The following COL4A4 variants were observed in gnomAD, a reference collection of about 807,000 sequenced individuals.
COL4A4 encodes the protein collagen alpha-4(IV) chain.
COL4A4 carries 105 observed loss-of-function variants against 192.9 expected under a neutral mutation model. The ratio of observed to expected loss-of-function variants is 0.54; its 90% confidence interval spans 0.46 to 0.64. The LOEUF is 0.64. Ranked by LOEUF, COL4A4 falls within the 30% of genes least tolerant of loss-of-function variation. The probability of loss-of-function intolerance (pLI) is 0.00; values close to 1 mark genes in which losing one functional copy is unlikely to be tolerated. For synonymous variants in COL4A4, 762 were observed against 769.9 expected, an observed-to-expected ratio of 0.99 and a Z score of 0.17; for missense variants, 1,967 against 2,169.3, an observed-to-expected ratio of 0.91 and a Z score of 1.85.
At chr2:227,015,662 T>G (rs973687574) in intron 44 of COL4A4, among the ~76,000 whole-genome samples, 22 of 152,204 alleles carry the variant, frequency 1.4e-4, no homozygotes, top group Non-Finnish European at 3.2e-4. Flanking sequence ...CTTGTTGGAT[T>G]AACTTCTTTC....
chr2:227,103,172 A>T lies in COL4A4; in HGVS notation c.842T>A (p.Val281Asp), dbSNP rs1227443063. 15 of 1,613,196 alleles carry T rather than the reference A, an allele frequency of 9.3e-6. No individual in the cohort carries two copies. Among genetic ancestry groups the T allele is most frequent in the Non-Finnish European group, 1.2e-5 (14 of 1,179,618 alleles). ...EKGIKGIPGM[V>D]GLPGPPGRKG... Reference sequence around the variant, plus strand: ...GCGTCCTGGTGGTCCTGGCAGTCCAACCATTCCAGGAATTCCTTTTATACC... The same window carrying T: ...GCGTCCTGGTGGTCCTGGCAGTCCATCCATTCCAGGAATTCCTTTTATACC... Residue 281 changes from valine to aspartate, a missense_variant, in exon 14 of 48, where the codon GTT becomes GAT. Val to Asp is a radical substitution (Grantham distance 152). Transcript: ENST00000396625.
In COL4A4 at chr2:227,060,116, A is replaced by AAAAAAAAAAC. The variant is rs1553644240; in HGVS notation, c.2164+10_2164+19dup. 1 of 1,330,158 alleles carries AAAAAAAAAAC rather than the reference A, an allele frequency of 7.5e-7. No individual in the cohort carries two copies. Among genetic ancestry groups the AAAAAAAAAAC allele is most frequent in the South Asian group, 1.3e-5 (1 of 76,866 alleles). The allele number at this position is 1,330,158 out of a possible 1,614,324, so 82.4% of individuals were successfully genotyped here. On this transcript the variant is annotated intron_variant, in intron 27 of 47. Transcript: ENST00000396625. ...TCCCAAAGCAGAAAAAAAAAAAAAA[A>AAAAAAAAAAC]AAAAAAAAACCTCACTGACCAGGTG...
chr2:226,991,209 T>C, the COL4A4 span, among the ~76,000 whole-genome samples: 4 of 152,098 alleles, frequency 2.6e-5, no homozygotes, highest in African/African-American at 9.7e-5. Flanking sequence ...TGAGACAGAG[T>C]CTCACTCTGT....
At chr2:227,009,000 C>G (rs934545399) in intron 46 of COL4A4, among the ~76,000 whole-genome samples, 1 of 152,114 alleles carries the variant, frequency 6.6e-6, no homozygotes, top group Admixed American at 6.5e-5. Flanking sequence ...AGAAGCAAGA[C>G]GGATGATGGT....
intron 24 of COL4A4, among the ~76,000 whole-genome samples, chr2:227,080,083 A>G (rs2059239655): frequency 6.6e-6 from 1 of 152,158 alleles, no homozygotes; most frequent in African/African-American, 2.4e-5. Flanking sequence ...GATGCTAAAC[A>G]TCGGGACCCG....
At chr2:227,015,194 C>T (rs1964617957) in intron 44 of COL4A4, among the ~76,000 whole-genome samples, 1 of 152,136 alleles carries the variant, frequency 6.6e-6, no homozygotes, top group African/African-American at 2.4e-5. Context: ...AGCCACCACA[C>T]CCAGCCCTTA....
chr2:227,110,972 G>C (rs1014562922), intron 9 of COL4A4, among the ~76,000 whole-genome samples: 1 of 152,160 alleles, frequency 6.6e-6, no homozygotes, highest in Non-Finnish European at 1.5e-5. Context: ...GAGCCACCAC[G>C]CCTGGCCGGC....
Position 227,031,948 on chromosome 2 carries a change from T to C in COL4A4, c.3814A>G (p.Arg1272Gly). 1 of 1,606,998 alleles carries C rather than the reference T, an allele frequency of 6.2e-7. No individual in the cohort carries two copies. The highest frequency in any genetic ancestry group is 2.2e-5 in the East Asian group (1 of 44,830). ...CTTTGTCATGATTCTCTCATACCTCTTGGGCCATCAGGACCAGGAGGTCCC... is the reference window on the plus strand; with the variant it reads ...CTTTGTCATGATTCTCTCATACCTCCTGGGCCATCAGGACCAGGAGGTCCC... ...DQGPPGPDGP[R>G]GAPGPPGLPG... Residue 1272 changes from arginine to glycine, a missense_variant, in exon 40 of 48, where the codon AGA becomes GGA. Physicochemically the swap from Arg to Gly is moderately radical, Grantham distance 125. Transcript: ENST00000396625.
the COL4A4 span, among the ~76,000 whole-genome samples, chr2:226,983,619 CT>C: frequency 6.6e-6 from 1 of 151,486 alleles, no homozygotes; most frequent in African/African-American, 2.4e-5. Flanking sequence ...ACTGGCTTGT[CT>C]TTTTTTTTCC....
intron 20 of COL4A4, 35 bp downstream of exon 20, chr2:227,094,090 T>C (rs752737316): frequency 1.6e-5 from 25 of 1,595,590 alleles, no homozygotes; most frequent in Non-Finnish European, 2.1e-5. Context: ...AAAAGCAGCA[T>C]AAATGCTAAT....
intron 1 of COL4A4, among the ~76,000 whole-genome samples, chr2:227,160,011 C>T (rs1172590081): frequency 6.6e-6 from 1 of 152,152 alleles, no homozygotes; most frequent in Non-Finnish European, 1.5e-5. Context: ...TAATCCTTGA[C>T]CTAGATCTTA....
chr2:227,089,972 AG>A lies in COL4A4; in HGVS notation c.1370-16del, dbSNP rs761667082. Reference sequence around the variant, plus strand: ...ACAGTATATCACTGTCAAGGAGGTAAGGGGGTGGGCAGAGAGAATCACATAA... The same window carrying A: ...ACAGTATATCACTGTCAAGGAGGTAAGGGGTGGGCAGAGAGAATCACATAA... On this transcript the variant is annotated splice_polypyrimidine_tract_variant and intron_variant, in intron 20 of 47. Coordinates refer to ENST00000396625, the MANE Select transcript of COL4A4 (RefSeq NM_000092.5). The A allele has an allele frequency of 6.3e-7, 1 of 1,599,380 alleles. No homozygotes were observed. The highest frequency in any genetic ancestry group is 1.3e-5 in the African/African-American group (1 of 74,728).
intron 25 of COL4A4, among the ~76,000 whole-genome samples, chr2:227,065,539 G>T (rs571255601): frequency 6.6e-6 from 1 of 152,218 alleles, no homozygotes; most frequent in Non-Finnish European, 1.5e-5. Flanking sequence ...TCTGAGAACA[G>T]GCAGACTGCC....
chr2:227,156,831 T>A (rs2064393372), intron 1 of COL4A4, among the ~76,000 whole-genome samples: 2 of 151,986 alleles, frequency 1.3e-5, no homozygotes, highest in African/African-American at 4.8e-5. Flanking sequence ...GAACTTCAAA[T>A]TAGATGAAGG....
the COL4A4 span, among the ~76,000 whole-genome samples, chr2:226,969,381 A>G: frequency 2.7e-5 from 4 of 148,772 alleles, no homozygotes; most frequent in African/African-American, 7.4e-5. Context: ...GCTCTGGGCT[A>G]AGACAGCTCA....
rs548527480 is a variant in COL4A4, at chr2:227,059,268, C to T, written c.2383+137G>A. On this transcript the variant is annotated intron_variant, in intron 28 of 47. Transcript: ENST00000396625. ...CAGGTTATTTGAAATGTAACCAGCA[C>T]CCCAAATGAGGGAAAACACTTGGGT... 27 of 815,508 alleles carry T rather than the reference C, an allele frequency of 3.3e-5. 3 individuals are homozygous for T. In the South Asian group the frequency reaches 3.5e-4, roughly 11 times the overall value. 50.5% of individuals were successfully genotyped at this position (815,508 alleles called of 1,614,324 possible). A position where few individuals can be genotyped will look rare whatever the true frequency, so the allele number is the denominator to read the frequency against.
At chr2:227,068,371 G>A (rs2058484604) in intron 25 of COL4A4, among the ~76,000 whole-genome samples, 1 of 152,194 alleles carries the variant, frequency 6.6e-6, no homozygotes, top group African/African-American at 2.4e-5. Flanking sequence ...CATTTTATGA[G>A]GTCAGCATCA....
intron 25 of COL4A4, among the ~76,000 whole-genome samples, chr2:227,072,279 T>G (rs1204573320): frequency 6.6e-6 from 1 of 151,904 alleles, no homozygotes; most frequent in African/African-American, 2.4e-5. Context: ...GATACCTTTA[T>G]GTACACAAAC....
rs147910396 is a variant in COL4A4, at chr2:227,005,532, A to G, written c.*1793T>C. On this transcript the variant is annotated 3_prime_UTR_variant, in exon 48 of 48. Coordinates refer to ENST00000396625, the MANE Select transcript of COL4A4 (RefSeq NM_000092.5). ...TCAAATGGGTCAAATGAACTAGGAA[A>G]TATTCTGCTACATCAAGAAAATATT... 3.2e-3 allele frequency: 490 copies of G among 152,374 alleles called. 3 individuals are homozygous for G. The highest frequency in any genetic ancestry group is 0.011 in the African/African-American group (455 of 41,588). The allele number at this position is 152,374 out of a possible 1,614,324, so 9.4% of individuals were successfully genotyped here.
Sources: allele counts gnomAD v4.1 joint callset (sites outside exome capture counted in the v4.1 genomes callset), GRCh38; gene constraint gnomAD v4.1.1; transcripts MANE v1.5; gene names NCBI Gene and HGNC (gene_info 2026-07-23, HGNC 2026-07-21).